RNF216: variants seen among roughly 807,000 people sequenced by gnomAD.
The protein encoded by RNF216 is E3 ubiquitin-protein ligase RNF216.
A neutral mutation model predicts 110.8 loss-of-function variants in RNF216; 72 were observed. The ratio of observed to expected loss-of-function variants is 0.65; its 90% confidence interval spans 0.54 to 0.79. The LOEUF (loss-of-function observed/expected upper bound fraction) is 0.79. RNF216 is among the 30% of genes least tolerant of loss of function. The pLI, the probability that RNF216 is intolerant of heterozygous loss-of-function variation, is 0.00. For synonymous variants in RNF216, 495 were observed against 407.5 expected (o/e 1.21, Z -2.59); for missense variants, 1,342 against 1,141.2 (o/e 1.18, Z -2.54).
chr7:5,644,006 T>TA (rs750430208), intron 14 of RNF216, among the ~76,000 whole-genome samples: 2 of 152,252 alleles, frequency 1.3e-5, no homozygotes, highest in Non-Finnish European at 2.9e-5. Flanking sequence ...ACCTATGTTG[T>TA]AGCATGTATC....
In RNF216 at chr7:5,715,132, G is replaced by T; in HGVS notation, c.1754C>A (p.Thr585Lys). 1.2e-6 allele frequency: 2 copies of T among 1,613,734 alleles called. No homozygotes were observed. Residue 585 changes from threonine (T) to lysine (K), a missense_variant, in exon 11 of 17, where the codon ACG (threonine) becomes AAG (lysine). Thr to Lys is a moderately conservative substitution (Grantham distance 78, BLOSUM62 -1). Coordinates refer to ENST00000389902, the MANE Select transcript of RNF216 (RefSeq NM_207111.4). ...GAACAAGTGAGCATCTGCGCACTGC[G>T]TCAGCTCCTCGAATGGAAATTCCCC... ...CYGEFPFEEL[T>K]QCADAHLFCK...
At chr7:5,669,269 T>C (rs1159685710) in intron 13 of RNF216, among the ~76,000 whole-genome samples, 1 of 152,206 alleles carries the variant, frequency 6.6e-6, no homozygotes, top group Non-Finnish European at 1.5e-5. Flanking sequence ...CTGACCTCTT[T>C]TGATCCAGGT....
At chr7:5,753,813 G>A (rs923345455) in intron 2 of RNF216, among the ~76,000 whole-genome samples, 1 of 152,108 alleles carries the variant, frequency 6.6e-6, no homozygotes, top group Non-Finnish European at 1.5e-5. Flanking sequence ...AGACGAACAC[G>A]GTGAAACACC....
intron 14 of RNF216, among the ~76,000 whole-genome samples, chr7:5,647,041 C>A (rs892571851): frequency 2.0e-5 from 3 of 152,024 alleles, no homozygotes; most frequent in Non-Finnish European, 4.4e-5. Context: ...CAGGCAGCTG[C>A]AGCTGGTACA....
intron 9 of RNF216, among the ~76,000 whole-genome samples, chr7:5,718,163 T>C (rs757379374): frequency 6.6e-6 from 1 of 152,120 alleles, no homozygotes; most frequent in Non-Finnish European, 1.5e-5. Flanking sequence ...GGGGGATTGC[T>C]TAAGGTCAGG....
chr7:5,686,743 A>G (rs1791011504), intron 13 of RNF216, among the ~76,000 whole-genome samples: 1 of 152,224 alleles, frequency 6.6e-6, no homozygotes, highest in African/African-American at 2.4e-5. Context: ...GGTCCCCAAC[A>G]TTTTTGGTCC....
chr7:5,747,746 C>CA (rs1207043505), intron 3 of RNF216, among the ~76,000 whole-genome samples: 323 of 7,020 alleles, frequency 0.046, 18 homozygotes, highest in Non-Finnish European at 0.067. Context: ...GACTCCATCT[C>CA]AAAAAAAAAA....
chr7:5,673,365 C>T (rs852410), intron 13 of RNF216, among the ~76,000 whole-genome samples: 27,512 of 152,178 alleles, frequency 0.18, 4,616 homozygotes, highest in African/African-American at 0.45. Context: ...GGAGATAGCT[C>T]TGTGGGAGAA....
intron 5 of RNF216, among the ~76,000 whole-genome samples, chr7:5,737,257 C>T (rs1794475540): frequency 1.3e-5 from 2 of 152,116 alleles, no homozygotes; most frequent in Non-Finnish European, 2.9e-5. Flanking sequence ...TGTGCTGTGT[C>T]CACTCAGGGT....
intron 13 of RNF216, among the ~76,000 whole-genome samples, chr7:5,663,712 A>AACATAGTGAACC (rs1362297185): frequency 6.7e-6 from 1 of 150,232 alleles, no homozygotes; most frequent in Non-Finnish European, 1.5e-5. Context: ...CAGCCTGGCC[A>AACATAGTGAACC]ACATAGTGAA....
intron 1 of RNF216, among the ~76,000 whole-genome samples, chr7:5,764,815 C>A (rs574437744): frequency 6.6e-6 from 1 of 151,888 alleles, no homozygotes; most frequent in Admixed American, 6.6e-5. Context: ...GCCTATAATC[C>A]CACCACTTTG....
chr7:5,674,822 C>A (rs990677567), intron 13 of RNF216, among the ~76,000 whole-genome samples: 2 of 151,756 alleles, frequency 1.3e-5, no homozygotes, highest in African/African-American at 4.8e-5. Flanking sequence ...ATGGCAAAAC[C>A]CCATCTCTAC....
At chr7:5,665,658 C>T (rs1584408521) in intron 13 of RNF216, among the ~76,000 whole-genome samples, 1 of 152,008 alleles carries the variant, frequency 6.6e-6, no homozygotes, top group Non-Finnish European at 1.5e-5. Context: ...CTATGGGGAC[C>T]AGGGCTTCGA....
chr7:5,728,743 T>C (rs978520813), intron 7 of RNF216, among the ~76,000 whole-genome samples: 6 of 152,152 alleles, frequency 3.9e-5, no homozygotes, highest in African/African-American at 1.4e-4. Context: ...AAAAGAAACA[T>C]CACTGTGTTT....
intron 15 of RNF216, among the ~76,000 whole-genome samples, chr7:5,633,531 C>G (rs1007665119): frequency 1.3e-5 from 2 of 152,118 alleles, no homozygotes; most frequent in Non-Finnish European, 2.9e-5. Context: ...GCCGAGATCA[C>G]ATCACTGCAC....
chr7:5,648,372 G>A (rs1410215740), intron 14 of RNF216, among the ~76,000 whole-genome samples: 3 of 151,652 alleles, frequency 2.0e-5, no homozygotes, highest in Non-Finnish European at 4.4e-5. Context: ...CTCCCAAAGT[G>A]CTGGGGTTAC....
intron 2 of RNF216, among the ~76,000 whole-genome samples, chr7:5,755,747 T>C (rs1225523719): frequency 6.6e-6 from 1 of 152,248 alleles, no homozygotes; most frequent in Non-Finnish European, 1.5e-5. Flanking sequence ...TGGATAGTGC[T>C]ATTGTGAACA....
intron 8 of RNF216, among the ~76,000 whole-genome samples, chr7:5,724,978 G>A (rs1291258879): frequency 6.6e-6 from 1 of 152,188 alleles, no homozygotes; most frequent in East Asian, 1.9e-4. Flanking sequence ...CATAAGTCTG[G>A]GTAGTTTTTA....
intron 4 of RNF216, among the ~76,000 whole-genome samples, chr7:5,740,104 C>CTTTTTTTTTTTTTTTTTTTT (rs71004698): frequency 8.4e-5 from 10 of 118,502 alleles, no homozygotes; most frequent in Admixed American, 1.6e-4. Flanking sequence ...GATGTAACAC[C>CTTTTTTTTTTTTTTTTTTTT]TTTTTTTTTT....
Sources: gnomAD v4.1 joint callset for allele counts (sites outside exome capture counted in the v4.1 genomes callset) on GRCh38, gnomAD v4.1.1 for gene constraint, MANE v1.5 for transcripts, NCBI Gene and HGNC (gene_info 2026-07-23, HGNC 2026-07-21) for gene names.